GRIN2B: variants seen among roughly 807,000 people sequenced by gnomAD.
The protein encoded by GRIN2B is glutamate receptor ionotropic, NMDA 2B.
In GRIN2B, 5 loss-of-function variants were observed where a neutral mutation model predicts 114.5. That is an observed-to-expected ratio of 0.04 (90% CI 0.02 to 0.09). The LOEUF (loss-of-function observed/expected upper bound fraction) is 0.09, where lower values mean the gene tolerates loss of function less well. GRIN2B is among the 10% of genes least tolerant of loss of function. The probability of loss-of-function intolerance (pLI) is 1.00; values close to 1 mark genes in which losing one functional copy is unlikely to be tolerated. For missense variants in GRIN2B, 1,108 were observed against 1,943.5 expected, an observed-to-expected ratio of 0.57 and a Z score of 8.08; for synonymous variants, 787 against 745.1, an observed-to-expected ratio of 1.06 and a Z score of -0.92.
chr12:13,795,207 A>G (rs220559), intron 3 of GRIN2B, among the ~76,000 whole-genome samples: 61,001 of 152,100 alleles, frequency 0.4, 12,639 homozygotes, highest in East Asian at 0.55. Context: ...AAAAATATCT[A>G]ACAACATTTA....
Position 13,698,236 on chromosome 12 carries a change from G to A in GRIN2B, c.1011-22377C>T, listed in dbSNP as rs752890432. Among the ~76,000 whole-genome samples, 4 of 152,324 alleles carry A rather than the reference G, an allele frequency of 2.6e-5. No individual in the cohort carries two copies. The East Asian group carries it at 5.8e-4, about 22-fold the overall frequency. On this transcript the variant is annotated intron_variant, in intron 4 of 13. Coordinates refer to ENST00000609686, the MANE Select transcript of GRIN2B (RefSeq NM_000834.5). Reference sequence around the variant, plus strand: ...GTGGAGTTGGGGCGCGGGGCGCGGGGAGCGGAATGATTTTACATTTAGGAA... The same window carrying A: ...GTGGAGTTGGGGCGCGGGGCGCGGGAAGCGGAATGATTTTACATTTAGGAA...
At chr12:13,700,915 T>C (rs920381918) in intron 4 of GRIN2B, among the ~76,000 whole-genome samples, 6 of 152,182 alleles carry the variant, frequency 3.9e-5, no homozygotes, top group Non-Finnish European at 7.3e-5. Flanking sequence ...ATTAATCTGT[T>C]TTCATACTGC....
At chr12:13,978,794 T>C (rs769441221) in intron 2 of GRIN2B, among the ~76,000 whole-genome samples, 48 of 152,324 alleles carry the variant, frequency 3.2e-4, no homozygotes, top group Non-Finnish European at 6.2e-4. Context: ...AACCCATGAA[T>C]GATCTGATTC....
chr12:13,905,311 A>G (rs926700919), intron 2 of GRIN2B, among the ~76,000 whole-genome samples: 3 of 152,164 alleles, frequency 2.0e-5, no homozygotes, highest in African/African-American at 7.2e-5. Flanking sequence ...CTTTAGCTCT[A>G]TACAAATCAG....
At chr12:13,781,793 G>A (rs530788192) in intron 3 of GRIN2B, among the ~76,000 whole-genome samples, 46 of 152,314 alleles carry the variant, frequency 3.0e-4, no homozygotes, top group African/African-American at 1.0e-3. Context: ...ATCCAGGTGA[G>A]TTCTCTGCCA....
chr12:13,796,271 ATTG>A (rs568773744), intron 3 of GRIN2B, among the ~76,000 whole-genome samples: 93 of 152,274 alleles, frequency 6.1e-4, no homozygotes, highest in African/African-American at 2.2e-3. Context: ...AACTTGACCA[ATTG>A]CAGACCCACA....
intron 3 of GRIN2B, among the ~76,000 whole-genome samples, chr12:13,815,104 T>A (rs573032754): frequency 6.6e-6 from 1 of 152,364 alleles, no homozygotes; most frequent in South Asian, 2.1e-4. Flanking sequence ...ATATAATGTA[T>A]CATAGGCTTC....
chr12:13,979,340 T>C (rs757490083), intron 2 of GRIN2B, among the ~76,000 whole-genome samples: 5 of 152,006 alleles, frequency 3.3e-5, no homozygotes, highest in Non-Finnish European at 5.9e-5. Context: ...CCCTCTGCAA[T>C]AGGCCTCCCG....
chr12:13,777,874 T>C (rs1864033131), intron 3 of GRIN2B, among the ~76,000 whole-genome samples: 2 of 152,312 alleles, frequency 1.3e-5, no homozygotes, highest in Non-Finnish European at 2.9e-5. Context: ...TCCTAAATTT[T>C]TTACAATATC....
At chr12:13,857,781 G>T (rs563296804) in intron 3 of GRIN2B, among the ~76,000 whole-genome samples, 1 of 152,126 alleles carries the variant, frequency 6.6e-6, no homozygotes, top group East Asian at 1.9e-4. Context: ...GACTTGCAAC[G>T]TCCACAGAGT....
At chr12:13,960,201 G>C (rs1336224273) in intron 2 of GRIN2B, among the ~76,000 whole-genome samples, 1 of 152,124 alleles carries the variant, frequency 6.6e-6, no homozygotes, top group Non-Finnish European at 1.5e-5. Context: ...CCCCAGTAGA[G>C]ACCCATGGGT....
chr12:13,563,035 G>A lies in GRIN2B; in HGVS notation c.4203C>T (p.Ser1401=), dbSNP rs772027875. Residue 1401 remains serine (S), a synonymous_variant, in exon 14 of 14, where the codon AGC becomes AGT. Transcript: ENST00000609686. ...TGGGCTGCCTGAAGAAGTAGGATTT[G>A]CTGCCATGGAGCAAGCACTGGTCGT... ...FGDDQCLLHG[S]KSYFFRQPTV... 1.2e-6 allele frequency: 2 copies of A among 1,614,016 alleles called. No homozygotes were observed. Among genetic ancestry groups the A allele is most frequent in the Middle Eastern group, 1.6e-4 (1 of 6,062 alleles).
chr12:13,629,081 C>A (rs922377590), intron 5 of GRIN2B, among the ~76,000 whole-genome samples: 1 of 152,126 alleles, frequency 6.6e-6, no homozygotes, highest in Non-Finnish European at 1.5e-5. Context: ...TTACTGTTCT[C>A]TCTAAGGTGA....
intron 5 of GRIN2B, among the ~76,000 whole-genome samples, chr12:13,670,823 T>C (rs1268516906): frequency 2.0e-5 from 3 of 152,192 alleles, no homozygotes; most frequent in African/African-American, 4.8e-5. Context: ...GAGATGTTCT[T>C]GGCTTTCTGT....
intron 10 of GRIN2B, among the ~76,000 whole-genome samples, chr12:13,595,505 C>G (rs1949059963): frequency 6.6e-6 from 1 of 152,172 alleles, no homozygotes; most frequent in Non-Finnish European, 1.5e-5. Context: ...TTATGTCAGA[C>G]CCGGGGGTGA....
At chr12:13,715,073 G>A (rs570341554) in intron 4 of GRIN2B, among the ~76,000 whole-genome samples, 4 of 151,960 alleles carry the variant, frequency 2.6e-5, no homozygotes, top group African/African-American at 7.2e-5. Flanking sequence ...GGTGCTAAAC[G>A]TTGATGGATG....
chr12:13,569,618 A>G (rs892373079), intron 12 of GRIN2B, among the ~76,000 whole-genome samples: 19 of 152,234 alleles, frequency 1.2e-4, no homozygotes, highest in Non-Finnish European at 2.5e-4. Context: ...GAAATGTGAG[A>G]CAAGACATTT....
chr12:13,850,490 T>A (rs943655860), intron 3 of GRIN2B, among the ~76,000 whole-genome samples: 1 of 152,142 alleles, frequency 6.6e-6, no homozygotes, highest in African/African-American at 2.4e-5. Context: ...CAGCTGCAGC[T>A]CCCAGGCCCC....
chr12:13,877,051 C>A (rs2136759931), intron 2 of GRIN2B, among the ~76,000 whole-genome samples: 1 of 152,320 alleles, frequency 6.6e-6, no homozygotes. Context: ...ATATAGGGAT[C>A]ATTTCTAGGT....
Sources: gnomAD v4.1 joint callset for allele counts (sites outside exome capture counted in the v4.1 genomes callset) on GRCh38, gnomAD v4.1.1 for gene constraint, MANE v1.5 for transcripts, NCBI Gene and HGNC (gene_info 2026-07-23, HGNC 2026-07-21) for gene names.